CDK5RAP2: variants seen among roughly 807,000 people sequenced by gnomAD.
The protein encoded by CDK5RAP2 is CDK5 regulatory subunit-associated protein 2.
In CDK5RAP2, 147 loss-of-function variants were observed where a neutral mutation model predicts 232.9. The observed-to-expected ratio is 0.63, with a 90% CI of 0.55 to 0.72. CDK5RAP2 has a LOEUF of 0.72. Among genes scored for constraint, CDK5RAP2 ranks in the 30% least tolerant of loss-of-function variants. The probability of loss-of-function intolerance (pLI) is 0.00; values close to 1 mark genes in which losing one functional copy is unlikely to be tolerated. For missense variants in CDK5RAP2, 2,195 were observed against 2,231.5 expected (o/e 0.98, Z 0.33); for synonymous variants, 833 against 833.7 (o/e 1.00, Z 0.01).
chr9:120,580,031 C>T lies in CDK5RAP2; in HGVS notation c.-53G>A, dbSNP rs549689536. 2 of 1,264,008 alleles carry T rather than the reference C, an allele frequency of 1.6e-6. No individual in the cohort carries two copies. The highest frequency in any genetic ancestry group is 2.9e-5 in the African/African-American group (2 of 68,414). The allele number at this position is 1,264,008 out of a possible 1,614,324, so 78.3% of individuals were successfully genotyped here. ...GTCTGTGGCGGCGGCGCCACTAGTA[C>T]CCCCCGCGATAGCGACCCGCCGGGC... On this transcript the variant is annotated 5_prime_UTR_variant, in exon 1 of 38. Coordinates refer to ENST00000349780, the MANE Select transcript of CDK5RAP2 (RefSeq NM_018249.6).
chr9:120,452,025 G>A, intron 21 of CDK5RAP2, among the ~76,000 whole-genome samples: 1 of 151,730 alleles, frequency 6.6e-6, no homozygotes, highest in East Asian at 1.9e-4. Context: ...ATATATTTGG[G>A]GAAATTAAGT....
chr9:120,440,898 C>T (rs56290566), intron 23 of CDK5RAP2, among the ~76,000 whole-genome samples: 4,425 of 152,274 alleles, frequency 0.029, 79 homozygotes, highest in East Asian at 0.041. Context: ...CAGGAGATGC[C>T]CTGACATCCC....
intron 14 of CDK5RAP2, among the ~76,000 whole-genome samples, chr9:120,480,585 T>C (rs2038249240): frequency 6.6e-6 from 1 of 152,260 alleles, no homozygotes; most frequent in Admixed American, 6.5e-5. Context: ...ATAATTTTTT[T>C]ATATTTTGAT....
In CDK5RAP2 at chr9:120,403,900, T is replaced by G; in HGVS notation, c.5041+136A>C. The G allele has an allele frequency of 1.4e-6, 1 of 704,952 alleles. No homozygotes were observed. The highest frequency in any genetic ancestry group is 2.6e-6 in the Non-Finnish European group (1 of 382,978). 43.7% of individuals were successfully genotyped at this position (704,952 alleles called of 1,614,324 possible). A position where few individuals can be genotyped will look rare whatever the true frequency, so the allele number is the denominator to read the frequency against. On this transcript the variant is annotated intron_variant, in intron 33 of 37. Coordinates refer to ENST00000349780, the MANE Select transcript of CDK5RAP2 (RefSeq NM_018249.6). This position sits in a 1 kb window ranked among gnomAD's most constrained non-coding sequence, Gnocchi z 4.2. ...GAAGGAGAAGATCACCAGCTGGGGA[T>G]GCTGAGAACTTGAAATCCCAAATCC...
At position 120,518,537 on chromosome 9, in the gene CDK5RAP2, T is replaced by G. The variant is rs374382839; in HGVS notation, c.1201A>C (p.Ile401Leu). Residue 401 changes from isoleucine to leucine, a missense_variant, in exon 12 of 38, where the codon ATT (isoleucine) becomes CTT (leucine). Transcript: ENST00000349780. The stretch of plus-strand genomic sequence containing the variant: ...CTCAGCTCCTGGGTGATCTTCTTAA[T>G]GCTTCTACGCAGTCTGTGGTTCTCT... ...STENHRLRRS[I>L]KKITQELSDL... 1 of 1,613,894 alleles carries G rather than the reference T, an allele frequency of 6.2e-7. No homozygotes were observed. The highest frequency in any genetic ancestry group is 2.2e-5 in the East Asian group (1 of 44,846).
intron 12 of CDK5RAP2, among the ~76,000 whole-genome samples, chr9:120,514,172 A>G (rs1298681765): frequency 6.6e-6 from 1 of 152,238 alleles, no homozygotes; most frequent in Non-Finnish European, 1.5e-5. Flanking sequence ...CATGTATGTA[A>G]CTTGATGTGT....
At chr9:120,556,255 A>G (rs1315192630) in intron 3 of CDK5RAP2, among the ~76,000 whole-genome samples, 1 of 152,214 alleles carries the variant, frequency 6.6e-6, no homozygotes, top group African/African-American at 2.4e-5. Context: ...ATTTTATTTT[A>G]TGTAAATTAT....
chr9:120,575,046 G>A (rs1243393386), intron 1 of CDK5RAP2, among the ~76,000 whole-genome samples: 1 of 151,718 alleles, frequency 6.6e-6, no homozygotes, highest in African/African-American at 2.4e-5. Context: ...CCATCATAAC[G>A]ACTGTTTTGT....
intron 35 of CDK5RAP2, among the ~76,000 whole-genome samples, chr9:120,394,919 CT>C (rs2032328646): frequency 6.6e-6 from 1 of 152,232 alleles, no homozygotes; most frequent in Non-Finnish European, 1.5e-5. Flanking sequence ...GCGCTTAACT[CT>C]TTGCCCCAGC....
At chr9:120,454,618 G>A (rs2036653538) in intron 20 of CDK5RAP2, among the ~76,000 whole-genome samples, 1 of 152,196 alleles carries the variant, frequency 6.6e-6, no homozygotes, top group African/African-American at 2.4e-5. Flanking sequence ...CATAGACATA[G>A]TCCCACCTCA....
chr9:120,502,419 T>C (rs1163849132), intron 12 of CDK5RAP2, among the ~76,000 whole-genome samples: 1 of 152,224 alleles, frequency 6.6e-6, no homozygotes, highest in African/African-American at 2.4e-5. Context: ...ATCAGAACCA[T>C]ATTTTGATGT....
At chr9:120,523,634 TCAAA>T (rs1027319686) in intron 11 of CDK5RAP2, among the ~76,000 whole-genome samples, 3 of 152,218 alleles carry the variant, frequency 2.0e-5, no homozygotes, top group Admixed American at 6.5e-5. Flanking sequence ...ATCTTGGGAA[TCAAA>T]CAGTCTTAAA....
rs1041331252 is a variant in CDK5RAP2, at chr9:120,557,721, T to C, written c.196-6819A>G. On this transcript the variant is annotated intron_variant, in intron 3 of 37. Transcript: ENST00000349780. ...CTACAGTAAGCCATGATCATGCTACTGCACTCCAGCCTGGGTGACAGAGTG... is the reference window on the plus strand; with the variant it reads ...CTACAGTAAGCCATGATCATGCTACCGCACTCCAGCCTGGGTGACAGAGTG... Among the ~76,000 whole-genome samples the C allele has an allele frequency of 2.7e-5, 4 of 149,598 alleles. No individual in the cohort carries two copies. In the Admixed American group the frequency reaches 2.7e-4, roughly 10 times the overall value.
chr9:120,525,120 C>T lies in CDK5RAP2; in HGVS notation c.1000-42G>A, dbSNP rs774476471. 6 of 1,435,340 alleles carry T rather than the reference C, an allele frequency of 4.2e-6. No homozygotes were observed. The South Asian group carries it at 5.7e-5, about 14-fold the overall frequency. 88.9% of individuals were successfully genotyped at this position (1,435,340 alleles called of 1,614,324 possible). The stretch of plus-strand genomic sequence containing the variant: ...AATACCAGCCAAGTATGTAACTGGG[C>T]TCTCCTCTCTGCACAGCCCACATGC... On this transcript the variant is annotated intron_variant, in intron 10 of 37. Coordinates refer to ENST00000349780, the MANE Select transcript of CDK5RAP2 (RefSeq NM_018249.6).
chr9:120,565,763 C>T (rs893361098), intron 3 of CDK5RAP2, among the ~76,000 whole-genome samples: 3 of 152,182 alleles, frequency 2.0e-5, no homozygotes, highest in African/African-American at 7.2e-5. Flanking sequence ...AACATCTCCT[C>T]CAGAGGCTTC....
chr9:120,461,678 C>CA (rs1220999702), intron 18 of CDK5RAP2, among the ~76,000 whole-genome samples: 3 of 152,048 alleles, frequency 2.0e-5, no homozygotes, highest in Admixed American at 6.6e-5. Context: ...CCTGTCTCTA[C>CA]AAAAAACACA....
At chr9:120,419,105 C>G (rs1310561308) in intron 27 of CDK5RAP2, among the ~76,000 whole-genome samples, 1 of 152,184 alleles carries the variant, frequency 6.6e-6, no homozygotes, top group East Asian at 1.9e-4. Flanking sequence ...CAGACCCCAG[C>G]TCTCTCGCCT....
intron 3 of CDK5RAP2, among the ~76,000 whole-genome samples, chr9:120,560,663 T>G (rs910436487): frequency 8.5e-5 from 13 of 152,146 alleles, no homozygotes; most frequent in Non-Finnish European, 1.8e-4. Context: ...GTCACCTAGG[T>G]TGGAGTGCAG....
chr9:120,411,024 A>G (rs191085854), intron 29 of CDK5RAP2, among the ~76,000 whole-genome samples: 3 of 152,334 alleles, frequency 2.0e-5, no homozygotes, highest in African/African-American at 7.2e-5. Context: ...TCCACTGTGA[A>G]CTAGGATGAG....
Sources: allele counts gnomAD v4.1 joint callset (sites outside exome capture counted in the v4.1 genomes callset), GRCh38; gene constraint gnomAD v4.1.1; non-coding constraint Gnocchi (gnomAD v3.1); transcripts MANE v1.5; gene names NCBI Gene and HGNC (gene_info 2026-07-23, HGNC 2026-07-21).